GHR: variants seen among roughly 807,000 people sequenced by gnomAD.
GHR encodes the protein growth hormone receptor.
In GHR, 35 loss-of-function variants were observed where a neutral mutation model predicts 67.1. That is an observed-to-expected ratio of 0.52 (90% CI 0.40 to 0.69). GHR has a LOEUF of 0.69. Ranked by LOEUF, GHR falls within the 30% of genes least tolerant of loss-of-function variation. GHR has a pLI of 0.00. For synonymous variants in GHR, 272 were observed against 269.1 expected, an observed-to-expected ratio of 1.01 and a Z score of -0.10; for missense variants, 792 against 764.6, an observed-to-expected ratio of 1.04 and a Z score of -0.42.
At chr5:42,649,602 GC>G (rs1336658732) in intron 3 of GHR, among the ~76,000 whole-genome samples, 1 of 152,102 alleles carries the variant, frequency 6.6e-6, no homozygotes, top group Non-Finnish European at 1.5e-5. Context: ...AAAATGGCTG[GC>G]CCCCTTTAAA....
At chr5:42,651,335 C>T (rs997800790) in intron 3 of GHR, among the ~76,000 whole-genome samples, 5 of 152,152 alleles carry the variant, frequency 3.3e-5, no homozygotes, top group African/African-American at 9.7e-5. Flanking sequence ...GTTGGGGGAA[C>T]CTTTAGGTTC....
intron 3 of GHR, 31 bp from the exon 4 acceptor site, chr5:42,688,859 T>G: frequency 1.9e-6 from 3 of 1,610,370 alleles, no homozygotes; most frequent in Non-Finnish European, 2.5e-6. Flanking sequence ...TCACCTGATT[T>G]CATGCCTTGC....
At chr5:42,688,623 G>C (rs567007547) in intron 3 of GHR, among the ~76,000 whole-genome samples, 6 of 152,186 alleles carry the variant, frequency 3.9e-5, no homozygotes, top group Admixed American at 3.3e-4. Context: ...CTCTAGCTCT[G>C]GTTTCTTAAA....
chr5:42,699,618 T>C (rs751774171), intron 5 of GHR, among the ~76,000 whole-genome samples: 1 of 152,108 alleles, frequency 6.6e-6, no homozygotes, highest in Non-Finnish European at 1.5e-5. Flanking sequence ...TAAGGGCTTA[T>C]TTAGAAGTTA....
chr5:42,456,558 G>T (rs1214132354), intron 1 of GHR, among the ~76,000 whole-genome samples: 3 of 152,102 alleles, frequency 2.0e-5, no homozygotes, highest in Non-Finnish European at 4.4e-5. Context: ...CTTGAAAAAT[G>T]GAAATATTAG....
At chr5:42,496,155 G>C (rs2972393) in intron 1 of GHR, among the ~76,000 whole-genome samples, 1 of 151,912 alleles carries the variant, frequency 6.6e-6, no homozygotes, top group Admixed American at 6.6e-5. Context: ...ATGCAATTGG[G>C]AACCTCTCTA....
intron 1 of GHR, among the ~76,000 whole-genome samples, chr5:42,432,364 G>A (rs543569746): frequency 6.6e-6 from 1 of 152,172 alleles, no homozygotes; most frequent in African/African-American, 2.4e-5. Context: ...GAGAGAAAAG[G>A]TGCATAATTG....
intron 1 of GHR, among the ~76,000 whole-genome samples, chr5:42,562,966 G>C (rs1267960451): frequency 2.0e-5 from 3 of 152,132 alleles, no homozygotes; most frequent in Non-Finnish European, 4.4e-5. Context: ...TTATTTGGAA[G>C]AAGTGAAGTT....
chr5:42,465,504 T>A, intron 1 of GHR: 1 of 1,558,286 alleles, frequency 6.4e-7, no homozygotes, highest in Non-Finnish European at 8.8e-7. Flanking sequence ...TTATTTTCAG[T>A]GTCTGCCACT....
intron 1 of GHR, among the ~76,000 whole-genome samples, chr5:42,536,118 G>T (rs1554017042): frequency 6.6e-6 from 1 of 152,066 alleles, no homozygotes; most frequent in Non-Finnish European, 1.5e-5. Flanking sequence ...GACAGTGACA[G>T]TTTGACTTCC....
In GHR at chr5:42,652,596, C is replaced by T. The variant is rs77001330; in HGVS notation, c.136+23493C>T. On this transcript the variant is annotated intron_variant, in intron 3 of 9. Coordinates refer to ENST00000230882, the MANE Select transcript of GHR (RefSeq NM_000163.5). The stretch of plus-strand genomic sequence containing the variant: ...TATAGACTGCTTGCAGTTCCAGTGT[C>T]GAGACATTCATTATCAGATTTACCA... Among the ~76,000 whole-genome samples the T allele has an allele frequency of 4.2e-3, 633 of 152,150 alleles. 2 individuals carry two copies. The highest frequency in any genetic ancestry group is 6.8e-3 in the Non-Finnish European group (459 of 67,978).
intron 1 of GHR, among the ~76,000 whole-genome samples, chr5:42,429,569 T>C (rs945173929): frequency 3.9e-5 from 6 of 152,254 alleles, no homozygotes; most frequent in African/African-American, 1.4e-4. Context: ...AGATAACTTG[T>C]TCTTTTCAGA....
At position 42,481,411 on chromosome 5, in the gene GHR, T is replaced by C. The variant is rs952729108; in HGVS notation, c.-12+57456T>C. On this transcript the variant is annotated intron_variant, in intron 1 of 9. Transcript: ENST00000230882. ...GAGTATCTTTATGGCGTTTTCTGTATTTCCTGAATTTGAATGTTGGCCTGC... is the reference window on the plus strand; with the variant it reads ...GAGTATCTTTATGGCGTTTTCTGTACTTCCTGAATTTGAATGTTGGCCTGC... 2.6e-5 allele frequency among the ~76,000 whole-genome samples: 4 copies of C among 152,324 alleles called. No individual in the cohort carries two copies. In the East Asian group the frequency reaches 7.7e-4, roughly 29 times the overall value.
intron 2 of GHR, among the ~76,000 whole-genome samples, chr5:42,590,460 T>C (rs1229526328): frequency 6.6e-5 from 10 of 152,312 alleles, no homozygotes; most frequent in South Asian, 2.1e-4. Context: ...TGGCATTTAT[T>C]GTGGGGAAGA....
intron 1 of GHR, among the ~76,000 whole-genome samples, chr5:42,489,300 T>G (rs1746013541): frequency 6.6e-6 from 1 of 152,182 alleles, no homozygotes; most frequent in African/African-American, 2.4e-5. Context: ...GATAATAGAT[T>G]CTTCAACGCT....
At chr5:42,560,762 A>C (rs2112455694) in intron 1 of GHR, among the ~76,000 whole-genome samples, 1 of 152,250 alleles carries the variant, frequency 6.6e-6, no homozygotes, top group Non-Finnish European at 1.5e-5. Flanking sequence ...ACCAACTCAG[A>C]TCCCCAAATC....
At chr5:42,485,566 A>T (rs1745842151) in intron 1 of GHR, among the ~76,000 whole-genome samples, 1 of 152,154 alleles carries the variant, frequency 6.6e-6, no homozygotes. Context: ...TATGGACTTC[A>T]CTCTGAATAT....
At chr5:42,705,866 T>C (rs751691218) in intron 6 of GHR, among the ~76,000 whole-genome samples, 3 of 152,274 alleles carry the variant, frequency 2.0e-5, no homozygotes, top group Middle Eastern at 3.4e-3. Flanking sequence ...CGCATGCATG[T>C]GTCTTTATGG....
intron 1 of GHR, among the ~76,000 whole-genome samples, chr5:42,556,230 A>G (rs901377787): frequency 2.6e-5 from 4 of 152,202 alleles, no homozygotes; most frequent in African/African-American, 7.2e-5. Context: ...GCAGGAATAC[A>G]TGCACTTCTT....
Sources: allele counts gnomAD v4.1 joint callset (sites outside exome capture counted in the v4.1 genomes callset), GRCh38; gene constraint gnomAD v4.1.1; transcripts MANE v1.5; gene names NCBI Gene and HGNC (gene_info 2026-07-23, HGNC 2026-07-21).